NBN: variants seen among roughly 807,000 people sequenced by gnomAD.
NBN encodes nibrin, also known as Nijmegen breakage syndrome 1 (nibrin).
Under a neutral mutation model 90.8 loss-of-function variants are expected in NBN, and 88 were observed. The ratio of observed to expected loss-of-function variants is 0.97; its 90% CI spans 0.82 to 1.16. The LOEUF (loss-of-function observed/expected upper bound fraction) is 1.16, where lower values mean the gene tolerates loss of function less well. Among genes scored for constraint, NBN ranks in the 50% most tolerant of loss-of-function variants. The pLI, the probability that NBN is intolerant of heterozygous loss-of-function variation, is 0.00. For synonymous variants in NBN, 328 were observed against 295.1 expected, an observed-to-expected ratio of 1.11 and a Z score of -1.14; for missense variants, 894 against 869.6, an observed-to-expected ratio of 1.03 and a Z score of -0.35.
intron 14 of NBN, among the ~76,000 whole-genome samples, chr8:89,939,570 A>G (rs546411013): frequency 6.6e-6 from 1 of 152,320 alleles, no homozygotes; most frequent in African/African-American, 2.4e-5. Flanking sequence ...GCCATGCCAT[A>G]CGCTTAAAAA....
At chr8:89,936,375 C>T (rs978029272) in intron 15 of NBN, among the ~76,000 whole-genome samples, 2 of 152,058 alleles carry the variant, frequency 1.3e-5, no homozygotes, top group African/African-American at 2.4e-5. Context: ...AACATTTTTA[C>T]CAGCAATTTA....
chr8:89,973,476 A>G (rs1259528000), intron 5 of NBN, among the ~76,000 whole-genome samples: 4 of 152,224 alleles, frequency 2.6e-5, no homozygotes, highest in Admixed American at 1.3e-4. Context: ...AATGCTGGCT[A>G]TGACTCCAAC....
At chr8:89,976,547 T>C (rs1302895180) in intron 5 of NBN, among the ~76,000 whole-genome samples, 1 of 152,214 alleles carries the variant, frequency 6.6e-6, no homozygotes, top group Non-Finnish European at 1.5e-5. Context: ...CACAAGTGTG[T>C]TGACTCAAAG....
chr8:89,940,683 T>A (rs1371270995), intron 14 of NBN, among the ~76,000 whole-genome samples: 3 of 145,540 alleles, frequency 2.1e-5, no homozygotes, highest in Non-Finnish European at 4.5e-5. Flanking sequence ...AAGAACCTAA[T>A]CTGCAGGAAA....
At chr8:89,946,526 C>T (rs1421592746) in intron 12 of NBN, 1 of 461,948 alleles carries the variant, frequency 2.2e-6, no homozygotes, top group Non-Finnish European at 3.9e-6. Flanking sequence ...ACATACTCAT[C>T]TGTGACAGAA....
intron 5 of NBN, among the ~76,000 whole-genome samples, chr8:89,975,359 A>G (rs1811703573): frequency 6.6e-6 from 1 of 152,180 alleles, no homozygotes; most frequent in African/African-American, 2.4e-5. Context: ...CGTCACCACA[A>G]TTTATTTCAT....
intron 7 of NBN, 66 bp from the exon 8 acceptor site, chr8:89,964,573 T>C: frequency 6.8e-7 from 1 of 1,472,818 alleles, no homozygotes; most frequent in Non-Finnish European, 9.4e-7. Flanking sequence ...TCAGATAATG[T>C]CAAGATAAAG....
intron 10 of NBN, 85 bp from the exon 11 acceptor site, chr8:89,953,776 C>G (rs550788653): frequency 4.0e-6 from 4 of 1,012,552 alleles, no homozygotes; most frequent in Admixed American, 4.3e-5. Flanking sequence ...TTCATCACTC[C>G]CTCCATTTAG....
chr8:89,963,543 A>G (rs1248491839), intron 8 of NBN, among the ~76,000 whole-genome samples: 2 of 152,208 alleles, frequency 1.3e-5, no homozygotes, highest in East Asian at 1.9e-4. Context: ...GAAATAAACC[A>G]TTTTTACAAC....
chr8:89,959,421 C>A (rs1049958696), intron 8 of NBN, among the ~76,000 whole-genome samples: 1 of 152,156 alleles, frequency 6.6e-6, no homozygotes, highest in African/African-American at 2.4e-5. Context: ...ATTAAGTGCT[C>A]TCCAATTCTC....
intron 11 of NBN, among the ~76,000 whole-genome samples, chr8:89,951,417 T>C (rs531303951): frequency 8.9e-4 from 134 of 150,598 alleles, no homozygotes; most frequent in African/African-American, 3.3e-3. Context: ...GCAAGGGAAA[T>C]GTATTTCCAA....
chr8:89,964,469 A>G lies in NBN; in HGVS notation c.935T>C (p.Leu312Ser), dbSNP rs371480039. 8 of 1,611,910 alleles carry G rather than the reference A, an allele frequency of 5.0e-6. No homozygotes were observed. The African/African-American group carries it at 1.1e-4, about 22-fold the overall frequency. ...CTTTGTAGTCATGAAAATCACCGCC[A>G]ATCCAATTTCTGCTTCAGGAATAGG... ...LRPIPEAEIG[L>S]AVIFMTTKNY... Residue 312 changes from leucine to serine, a missense_variant, in exon 8 of 16, where the codon TTG becomes TCG. Leu to Ser is a moderately radical substitution (Grantham distance 145). Transcript: ENST00000265433.
chr8:89,977,361 G>A (rs1336354367), intron 5 of NBN, among the ~76,000 whole-genome samples: 1 of 152,008 alleles, frequency 6.6e-6, no homozygotes. Flanking sequence ...GAGAATGATG[G>A]TTTCCAGCTT....
intron 14 of NBN, among the ~76,000 whole-genome samples, chr8:89,939,283 C>T (rs773378044): frequency 6.6e-6 from 1 of 151,976 alleles, no homozygotes; most frequent in South Asian, 2.1e-4. Flanking sequence ...CAGTACAGAA[C>T]ATTTACATAA....
chr8:89,945,217 T>C (rs931490387), intron 13 of NBN, among the ~76,000 whole-genome samples: 2 of 152,184 alleles, frequency 1.3e-5, no homozygotes, highest in Admixed American at 6.5e-5. Flanking sequence ...GCAGTAAGAA[T>C]GCCTTTGTGC....
At chr8:89,984,430 C>A in intron 1 of NBN, 95 bp downstream of exon 1, 2 of 1,180,806 alleles carry the variant, frequency 1.7e-6, no homozygotes, top group Non-Finnish European at 2.5e-6. Context: ...CGTCCCCGGG[C>A]AGGAACGGAC....
chr8:89,947,799 TA>T (rs772734610), intron 12 of NBN, 24 bp downstream of exon 12: 2 of 1,416,444 alleles, frequency 1.4e-6, no homozygotes, highest in Non-Finnish European at 2.0e-6. Context: ...CAAATCTGTA[TA>T]AAAATTAATA....
At position 89,958,850 on chromosome 8, in the gene NBN, T is replaced by C; in HGVS notation, c.999A>G (p.Leu333=). ...GGCTTGGTCCTGGAGTTGTTGTCTT[T>C]AATCCTGTAAATCACACAAGTAGAA... ...CDPQGHPSTG[L]KTTTPGPSLS... The change falls in exon 9 of 16, where the codon TTA becomes TTG. Residue 333 remains leucine, a synonymous_variant. Transcript: ENST00000265433. 2 of 1,613,688 alleles carry C rather than the reference T, an allele frequency of 1.2e-6. No homozygotes were observed. Among genetic ancestry groups the C allele is most frequent in the East Asian group, 2.2e-5 (1 of 44,876 alleles).
chr8:89,937,432 C>T (rs1809744484), intron 14 of NBN: 1 of 261,382 alleles, frequency 3.8e-6, no homozygotes, highest in African/African-American at 2.3e-5. Flanking sequence ...AAGAGGGCAA[C>T]ATTTACCCCA....
Sources: allele counts gnomAD v4.1 joint callset (sites outside exome capture counted in the v4.1 genomes callset), GRCh38; gene constraint gnomAD v4.1.1; transcripts MANE v1.5; gene names NCBI Gene and HGNC (gene_info 2026-07-23, HGNC 2026-07-21).